The following PPP1R14C variants were observed in gnomAD, a reference collection of about 807,000 sequenced individuals.
PPP1R14C encodes protein phosphatase 1 regulatory inhibitor subunit 14C.
A neutral mutation model predicts 20.4 loss-of-function variants in PPP1R14C; 16 were observed. That is an observed-to-expected ratio of 0.78 (90% CI 0.53 to 1.19). The LOEUF (loss-of-function observed/expected upper bound fraction) is 1.19, where lower values mean the gene tolerates loss of function less well. PPP1R14C is among the 50% of genes most tolerant of loss of function. PPP1R14C has a pLI of 0.00. For synonymous variants in PPP1R14C, 91 were observed against 91.0 expected (o/e 1.00, Z 0.00); for missense variants, 211 against 220.1 (o/e 0.96, Z 0.26).
intron 3 of PPP1R14C, among the ~76,000 whole-genome samples, chr6:150,235,754 TA>T (rs1230118522): frequency 6.6e-6 from 1 of 152,170 alleles, no homozygotes; most frequent in Non-Finnish European, 1.5e-5. Context: ...TTCTAATTTA[TA>T]AGACAGCTAG....
chr6:150,246,122 A>T (rs9918352), intron 3 of PPP1R14C, among the ~76,000 whole-genome samples: 1,975 of 152,272 alleles, frequency 0.013, 56 homozygotes, highest in African/African-American at 0.045. Flanking sequence ...TAGGTTACCA[A>T]ATTTGATTTC....
rs148829531 is a variant in PPP1R14C, at chr6:150,194,886, T to G, written c.307-19858T>G. The stretch of plus-strand genomic sequence containing the variant: ...GTTGAATACAATTATTGACACTGAT[T>G]TAAAGGTGAGATTGACTCAGTTCAT... On this transcript the variant is annotated intron_variant, in intron 1 of 3. Transcript: ENST00000361131. The G allele has an allele frequency of 6.5e-4, 639 of 985,400 alleles. 4 individuals carry two copies. The East Asian group carries it at 0.022, about 35-fold the overall frequency. The allele number at this position is 985,400 out of a possible 1,614,324, so 61.0% of individuals were successfully genotyped here.
intron 1 of PPP1R14C, among the ~76,000 whole-genome samples, chr6:150,188,787 G>A (rs1320451909): frequency 1.3e-5 from 2 of 150,302 alleles, no homozygotes; most frequent in South Asian, 4.2e-4. Context: ...CGCCTGGCTA[G>A]GAATTACCTT....
At chr6:150,199,930 T>A (rs1028006575) in intron 1 of PPP1R14C, among the ~76,000 whole-genome samples, 3 of 152,058 alleles carry the variant, frequency 2.0e-5, no homozygotes, top group Admixed American at 6.5e-5. Flanking sequence ...GTTAGAGCAG[T>A]GCAGATGGAC....
chr6:150,214,055 C>T (rs1000173982), intron 1 of PPP1R14C, among the ~76,000 whole-genome samples: 1 of 152,234 alleles, frequency 6.6e-6, no homozygotes, highest in Non-Finnish European at 1.5e-5. Flanking sequence ...CACACTTCCT[C>T]GGTTCAGAGG....
intron 1 of PPP1R14C, among the ~76,000 whole-genome samples, chr6:150,195,416 C>T (rs865968281): frequency 9.9e-5 from 15 of 152,186 alleles, no homozygotes; most frequent in African/African-American, 3.6e-4. Flanking sequence ...GGTGCTATCT[C>T]GGCTCACTGC....
chr6:150,193,792 T>A (rs770333570), intron 1 of PPP1R14C, among the ~76,000 whole-genome samples: 1 of 152,202 alleles, frequency 6.6e-6, no homozygotes, highest in Non-Finnish European at 1.5e-5. Context: ...TCATAGGATG[T>A]AGCTCTGGAG....
chr6:150,179,799 A>G (rs544164971), intron 1 of PPP1R14C, among the ~76,000 whole-genome samples: 60 of 152,346 alleles, frequency 3.9e-4, no homozygotes, highest in African/African-American at 1.3e-3. Context: ...ACTCTGCCAC[A>G]TTACTGACTG....
intron 3 of PPP1R14C, among the ~76,000 whole-genome samples, chr6:150,242,616 A>G (rs1032875444): frequency 1.4e-4 from 22 of 152,222 alleles, no homozygotes; most frequent in Non-Finnish European, 2.9e-4. Context: ...TTGCTGGTGA[A>G]GGACTGAATG....
intron 2 of PPP1R14C, among the ~76,000 whole-genome samples, chr6:150,215,462 A>C (rs981384514): frequency 3.3e-5 from 5 of 152,174 alleles, no homozygotes; most frequent in Non-Finnish European, 7.4e-5. Flanking sequence ...TTAACTTTTG[A>C]CTTGCCATTG....
rs142109127 is a variant in PPP1R14C at position 150,236,613 on chromosome 6, C to CTGTGTGTGTGTGTGTGTGTGTG, written c.424-12128_424-12107dup. On this transcript the variant is annotated intron_variant, in intron 3 of 3. Transcript: ENST00000361131. ...AAGCGGAGGGAGGTGGTTGGTGCCA[C>CTGTGTGTGTGTGTGTGTGTGTG]TGTGTGTGTGTGTGTGTGTGTGTGT... Among the ~76,000 whole-genome samples the CTGTGTGTGTGTGTGTGTGTGTG allele has an allele frequency of 3.1e-3, 445 of 144,488 alleles. 2 individuals carry two copies. Among genetic ancestry groups the CTGTGTGTGTGTGTGTGTGTGTG allele is most frequent in the South Asian group, 0.011 (47 of 4,324 alleles). 94.8% of individuals were successfully genotyped at this position (144,488 alleles called of 152,430 possible).
intron 3 of PPP1R14C, among the ~76,000 whole-genome samples, chr6:150,247,039 A>G (rs1736853401): frequency 6.6e-6 from 1 of 152,190 alleles, no homozygotes; most frequent in African/African-American, 2.4e-5. Flanking sequence ...AACACATATT[A>G]CTTTTATAAT....
intron 1 of PPP1R14C, chr6:150,195,093 G>A: frequency 1.0e-6 from 1 of 983,968 alleles, no homozygotes; most frequent in South Asian, 4.7e-5. Context: ...AATTTCAAGA[G>A]GAGGTTACTC....
At chr6:150,150,531 A>G (rs1049258743) in intron 1 of PPP1R14C, among the ~76,000 whole-genome samples, 3 of 152,128 alleles carry the variant, frequency 2.0e-5, no homozygotes, top group Non-Finnish European at 4.4e-5. Context: ...CGCCTAGCCC[A>G]CAGCTCTCTG....
At position 150,214,398 on chromosome 6, in the gene PPP1R14C, CT is replaced by C. The variant is rs1329463303; in HGVS notation, c.307-342del. Among the ~76,000 whole-genome samples the C allele has an allele frequency of 3.3e-5, 5 of 152,244 alleles. No individual in the cohort carries two copies. In the East Asian group the frequency reaches 9.6e-4, roughly 29 times the overall value. ...AAAATTCTCATTTTTTGAAAGATTA[CT>C]TTTATGGCTTTGTGACTCTTAATTC... On this transcript the variant is annotated intron_variant, in intron 1 of 3. Transcript: ENST00000361131.
chr6:150,231,816 C>A (rs899485713), intron 3 of PPP1R14C, among the ~76,000 whole-genome samples: 4 of 152,104 alleles, frequency 2.6e-5, no homozygotes, highest in African/African-American at 9.7e-5. Flanking sequence ...AGAAAGCTGT[C>A]GTTCATTCAT....
In PPP1R14C at chr6:150,242,126, A is replaced by G. The variant is rs906974755; in HGVS notation, c.424-6620A>G. 3.3e-5 allele frequency among the ~76,000 whole-genome samples: 5 copies of G among 151,500 alleles called. No homozygotes were observed. The East Asian group carries it at 9.7e-4, about 29-fold the overall frequency. On this transcript the variant is annotated intron_variant, in intron 3 of 3. Transcript: ENST00000361131. ...CAAACACACAACAAAACAAAACAAA[A>G]CAAAACAACAACAACAACAACAAAA... is the stretch of plus-strand genomic sequence containing the variant.
chr6:150,235,712 T>C (rs895618095), intron 3 of PPP1R14C, among the ~76,000 whole-genome samples: 1 of 152,188 alleles, frequency 6.6e-6, no homozygotes, highest in Non-Finnish European at 1.5e-5. Context: ...CTTCTTTTTT[T>C]CCCTGCTTTG....
At position 150,248,774 on chromosome 6, in the gene PPP1R14C, TA is replaced by T; in HGVS notation, c.454del (p.Arg152GlufsTer3). The T allele has an allele frequency of 6.2e-7, 1 of 1,613,348 alleles. No individual in the cohort carries two copies. The highest frequency in any genetic ancestry group is 1.1e-5 in the South Asian group (1 of 91,048). ...TTTATCAAAGAGCTGCTTTCTCGGATAAGAGGCATGAGGAAACTGAGCCCTC... is the reference window on the plus strand; with the variant it reads ...TTTATCAAAGAGCTGCTTTCTCGGATAGAGGCATGAGGAAACTGAGCCCTC... ...EEFIKELLSR[I>X]RGMRKLSPPQ... is the part of the protein sequence containing the mutation. On this transcript the variant is annotated frameshift_variant, in exon 4 of 4. Coordinates refer to ENST00000361131, the MANE Select transcript of PPP1R14C (RefSeq NM_030949.3). LOFTEE classifies it high-confidence loss of function.
Sources: gnomAD v4.1 joint callset for allele counts (sites outside exome capture counted in the v4.1 genomes callset) on GRCh38, gnomAD v4.1.1 for gene constraint, MANE v1.5 for transcripts, NCBI Gene and HGNC (gene_info 2026-07-23, HGNC 2026-07-21) for gene names.